Variants in PTPRD observed in about 807,000 individuals in gnomAD.
PTPRD encodes protein tyrosine phosphatase receptor type D.
PTPRD carries 34 observed loss-of-function variants against 214.5 expected under a neutral mutation model. That is an observed-to-expected ratio of 0.16 (90% CI 0.12 to 0.21). PTPRD has a LOEUF of 0.21. Ranked by LOEUF, PTPRD falls within the 10% of genes least tolerant of loss-of-function variation. The pLI is 1.00. For missense variants in PTPRD, 2,545 were observed against 2,398.7 expected, an observed-to-expected ratio of 1.06 and a Z score of -1.27; for synonymous variants, 1,128 against 845.7, an observed-to-expected ratio of 1.33 and a Z score of -5.79.
chr9:9,079,974 C>T (rs925354555), intron 10 of PTPRD, among the ~76,000 whole-genome samples: 8 of 151,952 alleles, frequency 5.3e-5, no homozygotes, highest in East Asian at 1.9e-4. Flanking sequence ...ATGAAGCTAC[C>T]AATACAATAT....
At chr9:8,406,475 A>G (rs2092991151) in intron 35 of PTPRD, among the ~76,000 whole-genome samples, 1 of 152,194 alleles carries the variant, frequency 6.6e-6, no homozygotes, top group Non-Finnish European at 1.5e-5. Context: ...TTTCTAAAGC[A>G]TAGCTCTGGA....
chr9:9,073,405 A>G (rs930204994), intron 10 of PTPRD, among the ~76,000 whole-genome samples: 4 of 152,182 alleles, frequency 2.6e-5, no homozygotes, highest in Non-Finnish European at 5.9e-5. Context: ...TTATGTGTCA[A>G]TATGGCTAGA....
chr9:9,972,201 A>C lies in PTPRD; in HGVS notation c.-471-33591T>G, dbSNP rs200095430. Among the ~76,000 whole-genome samples, 52 of 152,256 alleles carry C rather than the reference A, an allele frequency of 3.4e-4. No homozygotes were observed. The East Asian group carries it at 8.9e-3, about 26-fold the overall frequency. ...CAGAGAAAATTATCAAGCGCATCTT[A>C]ACATTTCTAGTAGTGTTCTTTCTTT... is the stretch of plus-strand genomic sequence containing the variant. On this transcript the variant is annotated intron_variant, in intron 4 of 45. Coordinates refer to ENST00000381196, the MANE Select transcript of PTPRD (RefSeq NM_002839.4).
chr9:8,782,986 T>TCC (rs2095798516), intron 11 of PTPRD, among the ~76,000 whole-genome samples: 2 of 152,160 alleles, frequency 1.3e-5, no homozygotes, highest in African/African-American at 4.8e-5. Flanking sequence ...AAAATAGGTT[T>TCC]CTTCTCTACC....
At chr9:10,324,595 C>A (rs888534753) in intron 3 of PTPRD, among the ~76,000 whole-genome samples, 6 of 151,998 alleles carry the variant, frequency 3.9e-5, no homozygotes, top group African/African-American at 1.4e-4. Context: ...AGTCAGATGG[C>A]ACTCCTTCAA....
In PTPRD at chr9:10,410,253, G is replaced by GTATATATATATATA. The variant is rs34284610; in HGVS notation, c.-599-69250_-599-69237dup. 6.1e-3 allele frequency among the ~76,000 whole-genome samples: 771 copies of GTATATATATATATA among 127,096 alleles called. 9 individuals are homozygous for GTATATATATATATA. The highest frequency in any genetic ancestry group is 0.021 in the Middle Eastern group (5 of 242). The allele number at this position is 127,096 out of a possible 152,430, so 83.4% of individuals were successfully genotyped here. ...AGGTAATTAACTGGACATATTTTGT[G>GTATATATATATATA]TATATATATATATATATACACACAC... On this transcript the variant is annotated intron_variant, in intron 2 of 45. Coordinates refer to ENST00000381196, the MANE Select transcript of PTPRD (RefSeq NM_002839.4).
chr9:8,642,838 A>C (rs72698287), intron 12 of PTPRD, among the ~76,000 whole-genome samples: 10,641 of 152,210 alleles, frequency 0.07, 1,141 homozygotes, highest in African/African-American at 0.23. Context: ...CACTGGGACA[A>C]GGGTAGTGAC....
chr9:9,505,433 C>A (rs1466478693), intron 8 of PTPRD, among the ~76,000 whole-genome samples: 1 of 151,442 alleles, frequency 6.6e-6, no homozygotes, highest in Non-Finnish European at 1.5e-5. Context: ...ATTTAGAATC[C>A]ACAGATTAGA....
At chr9:8,767,787 T>C (rs1034441745) in intron 11 of PTPRD, among the ~76,000 whole-genome samples, 6 of 152,194 alleles carry the variant, frequency 3.9e-5, no homozygotes, top group Non-Finnish European at 2.9e-5. Flanking sequence ...TGTGTATTTT[T>C]GAAACTTACC....
chr9:9,446,234 A>G (rs1420343581), intron 8 of PTPRD, among the ~76,000 whole-genome samples: 1 of 152,184 alleles, frequency 6.6e-6, no homozygotes, highest in East Asian at 1.9e-4. Flanking sequence ...TTACAATCAT[A>G]TTAAGGTTAA....
At chr9:9,627,511 G>C (rs2095460607) in intron 7 of PTPRD, among the ~76,000 whole-genome samples, 1 of 152,180 alleles carries the variant, frequency 6.6e-6, no homozygotes. Flanking sequence ...TATAGCAGTA[G>C]AACTTCACAG....
At chr9:9,393,712 T>C (rs2066708361) in intron 9 of PTPRD, among the ~76,000 whole-genome samples, 1 of 152,198 alleles carries the variant, frequency 6.6e-6, no homozygotes, top group Non-Finnish European at 1.5e-5. Context: ...GTGAGTAGTT[T>C]AAGCTTTCTA....
intron 5 of PTPRD, among the ~76,000 whole-genome samples, chr9:9,920,623 T>G (rs1355711625): frequency 6.6e-6 from 1 of 152,120 alleles, no homozygotes; most frequent in African/African-American, 2.4e-5. Flanking sequence ...TAGCCCCTAG[T>G]GGTAGAAGGA....
At position 9,747,119 on chromosome 9, in the gene PTPRD, G is replaced by A. The variant is rs1177438844; in HGVS notation, c.-325-12548C>T. On this transcript the variant is annotated intron_variant, in intron 6 of 45. Transcript: ENST00000381196. Reference sequence around the variant, plus strand: ...GTATTGTAGAAATAAAGAAGTTTCTGATGTCCCTAAAAGAATACAAGTTTT... The same window carrying A: ...GTATTGTAGAAATAAAGAAGTTTCTAATGTCCCTAAAAGAATACAAGTTTT... 2.6e-5 allele frequency among the ~76,000 whole-genome samples: 4 copies of A among 152,108 alleles called. No individual in the cohort carries two copies. In the East Asian group the frequency reaches 7.7e-4, roughly 29 times the overall value.
intron 2 of PTPRD, among the ~76,000 whole-genome samples, chr9:10,603,035 C>G (rs1481737180): frequency 6.6e-6 from 1 of 151,684 alleles, no homozygotes; most frequent in Non-Finnish European, 1.5e-5. Flanking sequence ...CATGGATTAT[C>G]AAGTACAACA....
chr9:9,816,391 A>C (rs2048780362), intron 5 of PTPRD, among the ~76,000 whole-genome samples: 1 of 152,110 alleles, frequency 6.6e-6, no homozygotes. Context: ...CGATTTAATA[A>C]ATAGCCTTAT....
intron 34 of PTPRD, 30 bp from the exon 35 acceptor site, chr9:8,436,719 T>G: frequency 6.5e-7 from 1 of 1,539,242 alleles, no homozygotes. Context: ...AGAAACACAT[T>G]TGAAAACAAA....
At chr9:9,721,072 A>C (rs1362061276) in intron 7 of PTPRD, among the ~76,000 whole-genome samples, 1 of 152,162 alleles carries the variant, frequency 6.6e-6, no homozygotes, top group Non-Finnish European at 1.5e-5. Context: ...TAATCTGTAC[A>C]ACAAACCTCT....
chr9:8,688,241 G>T (rs547142658), intron 12 of PTPRD, among the ~76,000 whole-genome samples: 2 of 152,202 alleles, frequency 1.3e-5, no homozygotes, highest in East Asian at 3.9e-4. Flanking sequence ...ATCAAATGAT[G>T]AATACACTGA....
Sources: gnomAD v4.1 joint callset for allele counts (sites outside exome capture counted in the v4.1 genomes callset) on GRCh38, gnomAD v4.1.1 for gene constraint, MANE v1.5 for transcripts, NCBI Gene and HGNC (gene_info 2026-07-23, HGNC 2026-07-21) for gene names.